The following TDRD10 variants were observed in gnomAD, a reference collection of about 807,000 sequenced individuals.
The protein encoded by TDRD10 is tudor domain-containing protein 10.
TDRD10 carries 40 observed loss-of-function variants against 48.0 expected under a neutral mutation model. That is an observed-to-expected ratio of 0.83 (90% CI 0.65 to 1.09). The LOEUF is 1.09. Ranked by LOEUF, TDRD10 falls within the 50% of genes least tolerant of loss-of-function variation. The pLI, the probability that TDRD10 is intolerant of heterozygous loss-of-function variation, is 0.00. For missense variants in TDRD10, 378 were observed against 434.7 expected, an observed-to-expected ratio of 0.87 and a Z score of 1.16; for synonymous variants, 162 against 170.4, an observed-to-expected ratio of 0.95 and a Z score of 0.38.
At chr1:154,545,392 C>T (rs1695492947) in intron 11 of TDRD10, among the ~76,000 whole-genome samples, 1 of 152,172 alleles carries the variant, frequency 6.6e-6, no homozygotes, top group Non-Finnish European at 1.5e-5. Context: ...TAATGTGATT[C>T]ATTTAGCTTC....
At chr1:154,507,161 C>T in intron 2 of TDRD10, 80 bp from the exon 3 acceptor site, 3 of 1,554,626 alleles carry the variant, frequency 1.9e-6, no homozygotes, top group Non-Finnish European at 2.6e-6. Context: ...TATGCAAGGC[C>T]CCTCTGCTTA....
chr1:154,521,301 C>T lies in TDRD10; in HGVS notation c.213-22C>T, dbSNP rs755453386. 5.0e-6 allele frequency: 8 copies of T among 1,612,610 alleles called. No homozygotes were observed. The African/African-American group carries it at 9.4e-5, about 19-fold the overall frequency. On this transcript the variant is annotated intron_variant, in intron 5 of 12. Transcript: ENST00000368482. ...TCTCTGGAGATGTGCTCAAAGCCTCCCTCTCTCTCTTCCCTTTTCAGCTTT... is the reference window on the plus strand; with the variant it reads ...TCTCTGGAGATGTGCTCAAAGCCTCTCTCTCTCTCTTCCCTTTTCAGCTTT...
At chr1:154,521,301 C>CCT (rs760688088) in intron 5 of TDRD10, 22 bp from the exon 6 acceptor site, 36 of 1,612,608 alleles carry the variant, frequency 2.2e-5, no homozygotes, top group Non-Finnish European at 2.7e-5. Context: ...TCAAAGCCTC[C>CCT]CTCTCTCTCT....
rs761350481 is a variant in TDRD10 at position 154,544,429 on chromosome 1, C to G, written c.709C>G (p.Gln237Glu). ...CACCCTGGCTCAGGCGGAGGAGCAGCAGCCCTACCTGGAGGGCTCCACCGT... is the reference window on the plus strand; with the variant it reads ...CACCCTGGCTCAGGCGGAGGAGCAGGAGCCCTACCTGGAGGGCTCCACCGT... ...FSTLAQAEEQQPYLEGSTVMR... is the reference protein window; with the variant it reads ...FSTLAQAEEQEPYLEGSTVMR... The change falls in exon 10 of 13, where the codon CAG (glutamine) becomes GAG (glutamate). Residue 237 changes from glutamine (Q) to glutamate (E), a missense_variant. Around this residue, in one of 2 missense-constraint regions of TDRD10, gnomAD observed 310 missense variants for 323.6 expected, o/e 0.96. Transcript: ENST00000368482. The G allele has an allele frequency of 8.6e-5, 139 of 1,608,570 alleles. No homozygotes were observed. The highest frequency in any genetic ancestry group is 1.1e-4 in the Non-Finnish European group (126 of 1,178,018).
rs11265631 is a variant in TDRD10, at chr1:154,538,715, T to C, written c.370-3309T>C. 2.9e-3 allele frequency among the ~76,000 whole-genome samples: 446 copies of C among 151,746 alleles called. 4 individuals carry two copies. Among genetic ancestry groups the C allele is most frequent in the African/African-American group, 0.01 (427 of 41,366 alleles). On this transcript the variant is annotated intron_variant, in intron 6 of 12. Transcript: ENST00000368482. ...AAAAATACAAAAAATTAGCCGGGTA[T>C]AGTGGTGGGCACCTGTAGTCTGAGC...
chr1:154,507,321 G>T lies in TDRD10; in HGVS notation c.82+1G>T, dbSNP rs756745836. On this transcript the variant is annotated splice_donor_variant, in intron 3 of 12. Coordinates refer to ENST00000368482, the MANE Select transcript of TDRD10 (RefSeq NM_182499.4). LOFTEE classifies it high-confidence loss of function. The stretch of plus-strand genomic sequence containing the variant: ...GTGTTGGAGGAGCAGAAATCTCCAG[G>T]TAAGTTAGGCTGGGGGATTCGCTGG... 6.2e-7 allele frequency: 1 copy of T among 1,613,974 alleles called. No homozygotes were observed. Among genetic ancestry groups the T allele is most frequent in the East Asian group, 2.2e-5 (1 of 44,878 alleles).
chr1:154,546,726 C>T (rs1695611291), intron 11 of TDRD10, among the ~76,000 whole-genome samples: 1 of 152,158 alleles, frequency 6.6e-6, no homozygotes, highest in Non-Finnish European at 1.5e-5. Flanking sequence ...AGCTCCCAGC[C>T]TGTCAGAAGG....
At chr1:154,541,589 C>T (rs1695235214) in intron 6 of TDRD10, among the ~76,000 whole-genome samples, 1 of 152,028 alleles carries the variant, frequency 6.6e-6, no homozygotes, top group Non-Finnish European at 1.5e-5. Flanking sequence ...GGCTGCAGGG[C>T]TGTGGGGAGT....
chr1:154,531,842 C>T (rs1332805190), intron 6 of TDRD10, among the ~76,000 whole-genome samples: 1 of 152,182 alleles, frequency 6.6e-6, no homozygotes, highest in African/African-American at 2.4e-5. Flanking sequence ...GGTGCGTTTA[C>T]AATCCCTGAG....
Position 154,544,478 on chromosome 1 carries a change from C to A in TDRD10, c.758C>A (p.Ala253Glu), listed in dbSNP as rs1235617958. 1 of 1,613,632 alleles carries A rather than the reference C, an allele frequency of 6.2e-7. No homozygotes were observed. The highest frequency in any genetic ancestry group is 8.5e-7 in the Non-Finnish European group (1 of 1,179,964). ...GTTATGCGCGGGACTCGCTGTCTGGCAGAGTACCACCTGGGGGATTATGGA... is the reference window on the plus strand; with the variant it reads ...GTTATGCGCGGGACTCGCTGTCTGGAAGAGTACCACCTGGGGGATTATGGA... ...STVMRGTRCL[A>E]EYHLGDYGHA... Residue 253 changes from alanine to glutamate, a missense_variant, in exon 10 of 13, where the codon GCA becomes GAA. Physicochemically the swap from Ala to Glu is moderately radical, Grantham distance 107. Around this residue, in one of 2 missense-constraint regions of TDRD10, gnomAD observed 310 missense variants for 323.6 expected, o/e 0.96. Transcript: ENST00000368482.
At chr1:154,523,973 T>G (rs949347570) in intron 6 of TDRD10, among the ~76,000 whole-genome samples, 3 of 152,220 alleles carry the variant, frequency 2.0e-5, no homozygotes, top group African/African-American at 7.2e-5. Context: ...TTCCATTTTA[T>G]TCTTTTTTCC....
rs1428640058 is a variant in TDRD10, at chr1:154,507,252, T to G, written c.14T>G (p.Ile5Ser). 5 of 1,613,934 alleles carry G rather than the reference T, an allele frequency of 3.1e-6. No individual in the cohort carries two copies. The Admixed American group carries it at 6.7e-5, about 22-fold the overall frequency. The change falls in exon 3 of 13, where the codon ATT becomes AGT. Residue 5 changes from isoleucine (I) to serine (S), a missense_variant. Around this residue, in one of 2 missense-constraint regions of TDRD10, gnomAD observed 310 missense variants for 323.6 expected, o/e 0.96. Transcript: ENST00000368482. The part of the protein sequence containing the change: MSWN[I>S]SHPQLSDKLF... ...CCTGTGTTTGACAGGTCCTGGAACA[T>G]TAGTCACCCCCAACTCTCTGATAAA...
chr1:154,506,143 T>G (rs1270159811), intron 1 of TDRD10, among the ~76,000 whole-genome samples: 1 of 152,180 alleles, frequency 6.6e-6, no homozygotes, highest in Non-Finnish European at 1.5e-5. Flanking sequence ...ATCCCATAGC[T>G]CTGTAAGTCA....
chr1:154,538,015 C>T lies in TDRD10; in HGVS notation c.370-4009C>T, dbSNP rs78098548. Among the ~76,000 whole-genome samples, 681 of 152,192 alleles carry T rather than the reference C, an allele frequency of 4.5e-3. 5 individuals carry two copies. The highest frequency in any genetic ancestry group is 0.015 in the African/African-American group (639 of 41,530). ...GGCCACCTTTGTATTACAGACACGT[C>T]GGAAATTGGAGGTCTGTGTTTAGGT... On this transcript the variant is annotated intron_variant, in intron 6 of 12. Transcript: ENST00000368482.
At chr1:154,515,165 G>A (rs1293693068) in intron 4 of TDRD10, among the ~76,000 whole-genome samples, 1 of 152,054 alleles carries the variant, frequency 6.6e-6, no homozygotes, top group Non-Finnish European at 1.5e-5. Flanking sequence ...ACCACGTTCA[G>A]CCTCTGGCTA....
At chr1:154,535,751 TCTCAGAAAG>T (rs1440374401) in intron 6 of TDRD10, among the ~76,000 whole-genome samples, 4 of 152,176 alleles carry the variant, frequency 2.6e-5, no homozygotes, top group East Asian at 1.9e-4. Flanking sequence ...ATGTACCTGT[TCTCAGAAAG>T]CTATGAAGGA....
chr1:154,528,763 C>T (rs893191063), intron 6 of TDRD10, among the ~76,000 whole-genome samples: 2 of 133,854 alleles, frequency 1.5e-5, no homozygotes, highest in Non-Finnish European at 3.3e-5. Flanking sequence ...TTGCAGTGAG[C>T]TGAGATTGCA....
At chr1:154,527,971 A>G (rs1181673625) in intron 6 of TDRD10, among the ~76,000 whole-genome samples, 1 of 152,232 alleles carries the variant, frequency 6.6e-6, no homozygotes, top group African/African-American at 2.4e-5. Flanking sequence ...ATCTTACAAA[A>G]ACTATCACAA....
chr1:154,529,745 A>G (rs1051514184), intron 6 of TDRD10, among the ~76,000 whole-genome samples: 19 of 151,720 alleles, frequency 1.3e-4, no homozygotes, highest in Non-Finnish European at 1.2e-4. Context: ...GGGTTTCACT[A>G]TGTTGGCCAG....
Sources: gnomAD v4.1 joint callset for allele counts (sites outside exome capture counted in the v4.1 genomes callset) on GRCh38, gnomAD v4.1.1 for gene constraint, gnomAD v4.1.1 regional missense constraint, MANE v1.5 for transcripts, NCBI Gene and HGNC (gene_info 2026-07-23, HGNC 2026-07-21) for gene names.